Variants in ELF1 observed in about 807,000 individuals in gnomAD.
ELF1 encodes the protein E74 like ETS transcription factor 1.
A neutral mutation model predicts 59.9 loss-of-function variants in ELF1; 24 were observed. The ratio of observed to expected loss-of-function variants is 0.40; its 90% CI spans 0.29 to 0.56. The LOEUF (loss-of-function observed/expected upper bound fraction) is 0.56, where lower values mean the gene tolerates loss of function less well. ELF1 is among the 20% of genes least tolerant of loss of function. ELF1 has a pLI of 0.44. For synonymous variants in ELF1, 248 were observed against 266.2 expected (o/e 0.93, Z 0.67); for missense variants, 627 against 742.2 (o/e 0.84, Z 1.80).
chr13:41,051,743 C>A (rs1302900389), intron 1 of ELF1, among the ~76,000 whole-genome samples: 1 of 151,930 alleles, frequency 6.6e-6, no homozygotes, highest in East Asian at 1.9e-4. Context: ...AGGCTAGGCA[C>A]CTTCCCACAA....
In ELF1 at chr13:41,035,289, C is replaced by T. The variant is rs117419874; in HGVS notation, c.-229+25549G>A. On this transcript the variant is annotated intron_variant, in intron 1 of 1. Transcript: ENST00000405737. Reference sequence around the variant, plus strand: ...TTACATTCCGTATCATTTGTTTACACGCCTCATTGGTCATTTATTTCAGCA... The same window carrying T: ...TTACATTCCGTATCATTTGTTTACATGCCTCATTGGTCATTTATTTCAGCA... Among the ~76,000 whole-genome samples, 430 of 152,318 alleles carry T rather than the reference C, an allele frequency of 2.8e-3. 8 individuals are homozygous for T. In the East Asian group the frequency reaches 0.049, roughly 17 times the overall value.
At chr13:41,018,112 C>T (rs1263252963) in intron 1 of ELF1, among the ~76,000 whole-genome samples, 1 of 152,174 alleles carries the variant, frequency 6.6e-6, no homozygotes, top group Non-Finnish European at 1.5e-5. Flanking sequence ...AGCTAAATAT[C>T]ATTTTGGTCA....
intron 1 of ELF1, among the ~76,000 whole-genome samples, chr13:41,047,618 C>T (rs1427491339): frequency 6.6e-6 from 1 of 152,206 alleles, no homozygotes; most frequent in Middle Eastern, 3.2e-3. Context: ...GCAAATGTTG[C>T]TGCCTGATCA....
At chr13:41,059,906 T>C (rs951369257) in intron 1 of ELF1, among the ~76,000 whole-genome samples, 1 of 152,214 alleles carries the variant, frequency 6.6e-6, no homozygotes, top group Non-Finnish European at 1.5e-5. Context: ...GCTCAAAATG[T>C]TAGACCCTTT....
chr13:40,949,839 C>T lies in ELF1; in HGVS notation c.496G>A (p.Ala166Thr), dbSNP rs772555990. The T allele has an allele frequency of 1.2e-6, 2 of 1,613,992 alleles. No individual in the cohort carries two copies. The highest frequency in any genetic ancestry group is 2.7e-5 in the African/African-American group (2 of 74,886). ...CTCTTAGGCTGTTCTGGTGATGAGG[C>T]TCCCGGTGAGTCTGCATATTTTTCT... Reference protein sequence around the residue: ...VQEKYADSPGASSPEQPKRKK... With the variant: ...VQEKYADSPGTSSPEQPKRKK... The change falls in exon 5 of 9, where the codon GCC (alanine) becomes ACC (threonine). Residue 166 changes from alanine (A) to threonine (T), a missense_variant. Around this residue, in one of 3 missense-constraint regions of ELF1, gnomAD observed 232 missense variants for 269.2 expected, o/e 0.86. Transcript: ENST00000239882.
intron 1 of ELF1, among the ~76,000 whole-genome samples, chr13:40,987,804 C>A (rs1201731726): frequency 6.6e-6 from 1 of 152,044 alleles, no homozygotes; most frequent in Non-Finnish European, 1.5e-5. Context: ...AACTGGAATG[C>A]TACAGTAACT....
intron 3 of ELF1, among the ~76,000 whole-genome samples, chr13:40,955,916 CG>C (rs1871374107): frequency 8.0e-6 from 1 of 125,166 alleles, no homozygotes; most frequent in Non-Finnish European, 1.7e-5. Flanking sequence ...GTCAGCCCCC[CG>C]CCCGGCCAGC....
At position 40,943,105 on chromosome 13, in the gene ELF1, A is replaced by G; in HGVS notation, c.653T>C (p.Leu218Pro). The change falls in exon 7 of 9, where the codon CTC (leucine) becomes CCC (proline). Residue 218 changes from leucine (L) to proline (P), a missense_variant. This residue lies in a region of ELF1 where 232 missense variants were observed against 269.2 expected (regional missense o/e 0.86). Transcript: ENST00000239882. Reference protein sequence around the residue: ...IYLWEFLLALLQDKATCPKYI... With the variant: ...IYLWEFLLALPQDKATCPKYI... ...TTTAGGACAAGTAGCCTTGTCCTGG[A>G]GCAGTGCCAGTAAAAACTCCCAAAG... 1 of 1,565,058 alleles carries G rather than the reference A, an allele frequency of 6.4e-7. No homozygotes were observed. The highest frequency in any genetic ancestry group is 1.8e-5 in the Admixed American group (1 of 54,110).
intron 7 of ELF1, 78 bp from the exon 8 acceptor site, chr13:40,941,448 A>G: frequency 7.4e-7 from 1 of 1,348,930 alleles, no homozygotes; most frequent in Non-Finnish European, 1.0e-6. Flanking sequence ...CCCTAATCAT[A>G]AACAAAACTT....
chr13:41,044,504 C>T (rs887512418), intron 1 of ELF1, among the ~76,000 whole-genome samples: 8 of 152,192 alleles, frequency 5.3e-5, no homozygotes, highest in East Asian at 3.9e-4. Flanking sequence ...TAGCATGAAG[C>T]GCTGTTGAAT....
intron 1 of ELF1, among the ~76,000 whole-genome samples, chr13:41,050,682 C>T (rs1877050151): frequency 6.6e-6 from 1 of 152,182 alleles, no homozygotes; most frequent in African/African-American, 2.4e-5. Flanking sequence ...TCCCAAGTAG[C>T]TGGGACTACA....
intron 2 of ELF1, among the ~76,000 whole-genome samples, chr13:40,971,226 T>C (rs1407027919): frequency 1.3e-5 from 2 of 152,192 alleles, no homozygotes; most frequent in Non-Finnish European, 2.9e-5. Flanking sequence ...AAATGATCAC[T>C]GTATTAGACC....
intron 1 of ELF1, among the ~76,000 whole-genome samples, chr13:41,058,881 G>A (rs1826219378): frequency 1.3e-5 from 2 of 152,212 alleles, no homozygotes; most frequent in Non-Finnish European, 1.5e-5. Flanking sequence ...GCTGAGGCAC[G>A]AGAATAGCTT....
intron 1 of ELF1, among the ~76,000 whole-genome samples, chr13:41,056,348 G>A (rs1566202857): frequency 6.6e-6 from 1 of 152,112 alleles, no homozygotes; most frequent in Non-Finnish European, 1.5e-5. Flanking sequence ...ATTCCACTGT[G>A]TGGATACACT....
At chr13:41,055,526 CT>C (rs1228934680) in intron 1 of ELF1, among the ~76,000 whole-genome samples, 1 of 151,890 alleles carries the variant, frequency 6.6e-6, no homozygotes, top group Non-Finnish European at 1.5e-5. Context: ...CTTATGACCC[CT>C]GGCTTAGTCC....
intron 3 of ELF1, 73 bp from the exon 4 acceptor site, chr13:40,951,509 T>A: frequency 8.9e-7 from 1 of 1,128,554 alleles, no homozygotes; most frequent in Non-Finnish European, 1.3e-6. Context: ...ACACCGCTTA[T>A]CTCTAGAACC....
intron 1 of ELF1, among the ~76,000 whole-genome samples, chr13:41,000,947 A>G (rs1874397661): frequency 6.6e-6 from 1 of 152,012 alleles, no homozygotes; most frequent in Non-Finnish European, 1.5e-5. Flanking sequence ...TCAACATACC[A>G]ATGACATTCT....
At chr13:40,981,757 AAGGT>A (rs1873284435) in intron 2 of ELF1, among the ~76,000 whole-genome samples, 1 of 152,136 alleles carries the variant, frequency 6.6e-6, no homozygotes, top group Non-Finnish European at 1.5e-5. Context: ...CTGAATCCCA[AAGGT>A]ATTACTTCCT....
intron 1 of ELF1, among the ~76,000 whole-genome samples, chr13:40,984,451 C>T (rs1256938448): frequency 6.6e-6 from 1 of 152,094 alleles, no homozygotes; most frequent in African/African-American, 2.4e-5. Context: ...ATTTGTGATC[C>T]TAGCTACTCA....
Sources: allele counts gnomAD v4.1 joint callset (sites outside exome capture counted in the v4.1 genomes callset), GRCh38; gene constraint gnomAD v4.1.1; regional missense constraint gnomAD v4.1.1; transcripts MANE v1.5; gene names NCBI Gene and HGNC (gene_info 2026-07-23, HGNC 2026-07-21).